SPTLC1: variants seen among roughly 807,000 people sequenced by gnomAD.
SPTLC1 encodes the protein serine palmitoyltransferase long chain base subunit 1, also known as serine palmitoyltransferase 1.
In SPTLC1, 55 loss-of-function variants were observed where a neutral mutation model predicts 68.9. The ratio of observed to expected loss-of-function variants is 0.80; its 90% confidence interval spans 0.64 to 1.00. The LOEUF (loss-of-function observed/expected upper bound fraction) is 1.00, where lower values mean the gene tolerates loss of function less well. SPTLC1 is among the 50% of genes least tolerant of loss of function. The probability of loss-of-function intolerance (pLI) is 0.00; values close to 1 mark genes in which losing one functional copy is unlikely to be tolerated. For synonymous variants in SPTLC1, 197 were observed against 201.6 expected, an observed-to-expected ratio of 0.98 and a Z score of 0.19; for missense variants, 449 against 573.1, an observed-to-expected ratio of 0.78 and a Z score of 2.21.
At chr9:92,080,539 T>C (rs535273737) in intron 4 of SPTLC1, among the ~76,000 whole-genome samples, 1 of 152,182 alleles carries the variant, frequency 6.6e-6, no homozygotes, top group Non-Finnish European at 1.5e-5. Flanking sequence ...AATACTATGA[T>C]TTTTTTTCTT....
At chr9:92,072,150 G>T (rs556380742) in intron 5 of SPTLC1, among the ~76,000 whole-genome samples, 1 of 152,022 alleles carries the variant, frequency 6.6e-6, no homozygotes, top group Non-Finnish European at 1.5e-5. Flanking sequence ...CGAAAGCCCG[G>T]GATAGGGGAA....
intron 5 of SPTLC1, among the ~76,000 whole-genome samples, chr9:92,074,090 C>T (rs1159566343): frequency 2.6e-5 from 4 of 152,096 alleles, no homozygotes; most frequent in Admixed American, 6.6e-5. Flanking sequence ...TGAAGACTGA[C>T]GTTGCCCGAA....
At chr9:92,047,534 G>T (rs758333214) in intron 10 of SPTLC1, 79 bp downstream of exon 10, 1 of 955,782 alleles carries the variant, frequency 1.0e-6, no homozygotes, top group Non-Finnish European at 1.6e-6. Flanking sequence ...GTAAAATTTC[G>T]TATTTCAAAA....
intron 8 of SPTLC1, among the ~76,000 whole-genome samples, chr9:92,053,744 T>G (rs1833789578): frequency 6.6e-6 from 1 of 152,348 alleles, no homozygotes; most frequent in Admixed American, 6.5e-5. Context: ...AGATTGGTAG[T>G]TGCTGGGAGC....
chr9:92,078,576 C>T (rs532788161), intron 5 of SPTLC1, among the ~76,000 whole-genome samples: 28 of 152,266 alleles, frequency 1.8e-4, no homozygotes, highest in African/African-American at 6.5e-4. Flanking sequence ...CTCCTGCCTC[C>T]GCCACCTGTG....
At chr9:92,059,978 G>A (rs2186091) in intron 6 of SPTLC1, among the ~76,000 whole-genome samples, 4,518 of 152,262 alleles carry the variant, frequency 0.03, 128 homozygotes, top group South Asian at 0.11. Context: ...AAGAACACAT[G>A]GAGAGCCCTA....
At position 92,035,057 on chromosome 9, in the gene SPTLC1, T is replaced by C. The variant is rs374136923; in HGVS notation, c.1255-174A>G. Among the ~76,000 whole-genome samples, 13 of 152,328 alleles carry C rather than the reference T, an allele frequency of 8.5e-5. No homozygotes were observed. In the East Asian group the frequency reaches 1.5e-3, roughly 18 times the overall value. Reference sequence around the variant, plus strand: ...ACCTTGGCAGCACTGTCCACAGAACTTTCTGCAATGACAAATACCTCTGTT... The same window carrying C: ...ACCTTGGCAGCACTGTCCACAGAACCTTCTGCAATGACAAATACCTCTGTT... On this transcript the variant is annotated intron_variant, in intron 13 of 14. Transcript: ENST00000262554.
intron 3 of SPTLC1, among the ~76,000 whole-genome samples, chr9:92,095,503 T>C (rs1350357344): frequency 2.0e-5 from 3 of 152,178 alleles, no homozygotes; most frequent in African/African-American, 4.8e-5. Flanking sequence ...GGTGGCTGTA[T>C]ACACAGAAGA....
intron 11 of SPTLC1, 30 bp from the exon 12 acceptor site, chr9:92,046,083 A>C (rs924798281): frequency 7.6e-6 from 12 of 1,587,960 alleles, no homozygotes; most frequent in Non-Finnish European, 9.5e-6. Flanking sequence ...TTGAGAGTCT[A>C]TTTGAAACTT....
intron 3 of SPTLC1, among the ~76,000 whole-genome samples, chr9:92,087,281 T>G (rs1221097317): frequency 6.6e-6 from 1 of 152,150 alleles, no homozygotes; most frequent in Non-Finnish European, 1.5e-5. Flanking sequence ...TTCCATTGCT[T>G]GTGAGGAACT....
intron 8 of SPTLC1, chr9:92,051,080 GT>G (rs1833690568): frequency 2.0e-6 from 2 of 984,922 alleles, no homozygotes; most frequent in Non-Finnish European, 2.4e-6. Flanking sequence ...ATACGTCCTA[GT>G]ATCTTCTGGT....
At chr9:92,098,193 CCT>C (rs1443710878) in intron 3 of SPTLC1, among the ~76,000 whole-genome samples, 7 of 152,166 alleles carry the variant, frequency 4.6e-5, no homozygotes, top group African/African-American at 1.7e-4. Flanking sequence ...CATCGGGTAC[CCT>C]GACTCAGCAT....
chr9:92,102,848 T>C (rs1290606024), intron 3 of SPTLC1, among the ~76,000 whole-genome samples: 1 of 152,184 alleles, frequency 6.6e-6, no homozygotes, highest in African/African-American at 2.4e-5. Flanking sequence ...GATTCTCCAA[T>C]AACAAGATGT....
At chr9:92,049,834 C>T (rs968164580) in intron 9 of SPTLC1, 126 bp downstream of exon 9, 5 of 765,292 alleles carry the variant, frequency 6.5e-6, no homozygotes, top group African/African-American at 1.7e-5. Context: ...TGACAGACAC[C>T]AAAGTTTCGT....
At chr9:92,055,312 C>T (rs761232681) in intron 8 of SPTLC1, 93 bp downstream of exon 8, 117 of 1,582,026 alleles carry the variant, frequency 7.4e-5, no homozygotes, top group Middle Eastern at 3.3e-4. Context: ...CGCAAAGCAA[C>T]GCAGACGTTA....
At chr9:92,056,382 C>T (rs1833891622) in intron 7 of SPTLC1, among the ~76,000 whole-genome samples, 1 of 152,168 alleles carries the variant, frequency 6.6e-6, no homozygotes, top group African/African-American at 2.4e-5. Context: ...GCACCCGCCA[C>T]CACGCTCAGC....
Position 92,046,133 on chromosome 9 carries a change from T to G in SPTLC1, c.1082-80A>C, listed in dbSNP as rs760738582. ...CTAAAAATATTTTTGAAGACCCAGA[T>G]CAAGTTCATCAATTTAAAATGCTAC... On this transcript the variant is annotated intron_variant, in intron 11 of 14. Coordinates refer to ENST00000262554, the MANE Select transcript of SPTLC1 (RefSeq NM_006415.4). The G allele has an allele frequency of 1.8e-5, 21 of 1,140,798 alleles. No individual in the cohort carries two copies. The Admixed American group carries it at 2.5e-4, about 14-fold the overall frequency. The allele number at this position is 1,140,798 out of a possible 1,614,324, so 70.7% of individuals were successfully genotyped here. A position where few individuals can be genotyped will look rare whatever the true frequency, so the allele number is the denominator to read the frequency against.
At chr9:92,047,092 T>G in intron 11 of SPTLC1, 80 bp downstream of exon 11, 4 of 1,228,792 alleles carry the variant, frequency 3.3e-6, no homozygotes, top group Non-Finnish European at 4.8e-6. Flanking sequence ...TGGCAAATAA[T>G]TTCTCCAGTA....
intron 3 of SPTLC1, among the ~76,000 whole-genome samples, chr9:92,092,791 T>C (rs1013851827): frequency 2.6e-5 from 4 of 152,194 alleles, no homozygotes; most frequent in African/African-American, 9.7e-5. Context: ...AGGGAATTTA[T>C]AGGCTTAAAC....
Sources: gnomAD v4.1 joint callset for allele counts (sites outside exome capture counted in the v4.1 genomes callset) on GRCh38, gnomAD v4.1.1 for gene constraint, MANE v1.5 for transcripts, NCBI Gene and HGNC (gene_info 2026-07-23, HGNC 2026-07-21) for gene names.